FHAD1: variants seen among roughly 807,000 people sequenced by gnomAD.
FHAD1 encodes forkhead-associated domain-containing protein 1.
A neutral mutation model predicts 191.3 loss-of-function variants in FHAD1; 146 were observed. The ratio of observed to expected loss-of-function variants is 0.76; its 90% CI spans 0.67 to 0.88. The LOEUF is 0.88. Ranked by LOEUF, FHAD1 falls within the 40% of genes least tolerant of loss-of-function variation. The probability of loss-of-function intolerance (pLI) is 0.00; values close to 1 mark genes in which losing one functional copy is unlikely to be tolerated. For synonymous variants in FHAD1, 616 were observed against 672.3 expected (o/e 0.92, Z 1.29); for missense variants, 1,635 against 1,785.8 (o/e 0.92, Z 1.52).
chr1:15,357,625 CAAAAAAAAAAAAA>C (rs71000395), intron 20 of FHAD1, among the ~76,000 whole-genome samples: 2 of 76,114 alleles, frequency 2.6e-5, no homozygotes, highest in African/African-American at 9.1e-5. Context: ...TCCTCCGTCT[CAAAAAAAAAAAAA>C]AAAAAAAAAG....
chr1:15,321,336 A>G (rs993628669), intron 10 of FHAD1, among the ~76,000 whole-genome samples: 1 of 152,204 alleles, frequency 6.6e-6, no homozygotes, highest in Non-Finnish European at 1.5e-5. Flanking sequence ...CGCATTCGTG[A>G]CTTATCAAAA....
intron 1 of FHAD1, among the ~76,000 whole-genome samples, chr1:15,237,887 A>C (rs1157557009): frequency 6.6e-6 from 1 of 152,180 alleles, no homozygotes; most frequent in Non-Finnish European, 1.5e-5. Flanking sequence ...GAGGGGATTG[A>C]TCAGCTCAGA....
chr1:15,309,038 A>G (rs929122604), intron 7 of FHAD1, among the ~76,000 whole-genome samples: 4 of 152,230 alleles, frequency 2.6e-5, no homozygotes, highest in African/African-American at 9.6e-5. Flanking sequence ...GGGAACACAC[A>G]GGACAAGCTG....
intron 14 of FHAD1, among the ~76,000 whole-genome samples, chr1:15,330,388 G>A (rs1196548409): frequency 5.3e-5 from 8 of 152,134 alleles, no homozygotes; most frequent in Admixed American, 6.5e-5. Flanking sequence ...GAGACGTAAC[G>A]GGGTCAGGAA....
At chr1:15,341,009 C>G (rs1558162182) in intron 15 of FHAD1, among the ~76,000 whole-genome samples, 1 of 152,038 alleles carries the variant, frequency 6.6e-6, no homozygotes, top group Non-Finnish European at 1.5e-5. Flanking sequence ...TGGTAAAACC[C>G]CATCTCTACT....
At chr1:15,310,929 C>G (rs779907269) in intron 7 of FHAD1, among the ~76,000 whole-genome samples, 8 of 152,176 alleles carry the variant, frequency 5.3e-5, no homozygotes, top group Non-Finnish European at 1.2e-4. Flanking sequence ...GATGGAGGAA[C>G]AAGGTGCGGA....
At chr1:15,244,962 C>T (rs539880457), upstream of FHAD1, among the ~76,000 whole-genome samples, 59 of 152,312 alleles carry the variant, frequency 3.9e-4, no homozygotes, top group Non-Finnish European at 6.2e-4. The surrounding 1 kb of genome is among the most constrained non-coding windows in gnomAD (Gnocchi z 5.1). Context: ...GTGAGGGTCT[C>T]AGGCTGCTTC....
intron 33 of FHAD1, chr1:15,393,045 C>A (rs1704622872): frequency 6.6e-6 from 1 of 151,434 alleles, no homozygotes. Context: ...GGGGCAGCAT[C>A]ACCCCCGAGG....
intron 13 of FHAD1, 26 bp downstream of exon 13, chr1:15,328,455 A>G (rs1464305014): frequency 2.1e-6 from 3 of 1,395,984 alleles, no homozygotes; most frequent in Non-Finnish European, 2.8e-6. Flanking sequence ...GCTTTCCACA[A>G]ATGGTCTCTT....
intron 15 of FHAD1, among the ~76,000 whole-genome samples, chr1:15,340,165 A>G (rs1328667817): frequency 6.6e-6 from 1 of 152,242 alleles, no homozygotes; most frequent in Non-Finnish European, 1.5e-5. Flanking sequence ...TACTAAATCC[A>G]GTGGACAAAG....
At chr1:15,258,502 A>G (rs753195415) in intron 2 of FHAD1, among the ~76,000 whole-genome samples, 2 of 151,466 alleles carry the variant, frequency 1.3e-5, no homozygotes, top group African/African-American at 2.4e-5. Flanking sequence ...TCATCTGTCA[A>G]TGGACACTTG....
chr1:15,308,203 T>G (rs969612950), intron 6 of FHAD1, among the ~76,000 whole-genome samples: 1 of 152,194 alleles, frequency 6.6e-6, no homozygotes, highest in Non-Finnish European at 1.5e-5. Context: ...TATAACCTAT[T>G]GTTATCATTT....
chr1:15,242,188 G>T (rs1036696657), intron 1 of FHAD1, among the ~76,000 whole-genome samples: 1 of 143,554 alleles, frequency 7.0e-6, no homozygotes, highest in Non-Finnish European at 1.5e-5. Flanking sequence ...AGCCGAGATC[G>T]CACCACTGCA....
chr1:15,348,699 G>A (rs562955241), intron 18 of FHAD1, among the ~76,000 whole-genome samples: 4 of 152,222 alleles, frequency 2.6e-5, no homozygotes, highest in Non-Finnish European at 4.4e-5. Context: ...AGCTGCCCCC[G>A]CTGCTCCCGG....
chr1:15,320,057 A>T (rs1675772634), intron 10 of FHAD1, among the ~76,000 whole-genome samples: 1 of 152,164 alleles, frequency 6.6e-6, no homozygotes, highest in Admixed American at 6.5e-5. Flanking sequence ...TATTTTCGTT[A>T]TTATTCAGAT....
chr1:15,371,279 G>A (rs1032457988), intron 26 of FHAD1, among the ~76,000 whole-genome samples: 2 of 152,214 alleles, frequency 1.3e-5, no homozygotes, highest in African/African-American at 4.8e-5. Context: ...TGGACTCTGT[G>A]CACGTCTGTT....
At chr1:15,371,823 G>A (rs1046134373) in intron 26 of FHAD1, among the ~76,000 whole-genome samples, 1 of 152,244 alleles carries the variant, frequency 6.6e-6, no homozygotes, top group African/African-American at 2.4e-5. Context: ...GCCGTACTAA[G>A]CGCAGGCAGG....
At chr1:15,278,020 G>A (rs74053874) in intron 3 of FHAD1, among the ~76,000 whole-genome samples, 2 of 152,302 alleles carry the variant, frequency 1.3e-5, no homozygotes, top group African/African-American at 4.8e-5. Flanking sequence ...GATGGTAGGA[G>A]GCAGAGGAGG....
At chr1:15,236,766 C>A (rs889856003) in intron 1 of FHAD1, among the ~76,000 whole-genome samples, 1 of 152,184 alleles carries the variant, frequency 6.6e-6, no homozygotes, top group African/African-American at 2.4e-5. Flanking sequence ...TTTACGGTAA[C>A]CAGTTAATTT....
Sources: allele counts gnomAD v4.1 joint callset (sites outside exome capture counted in the v4.1 genomes callset), GRCh38; gene constraint gnomAD v4.1.1; non-coding constraint Gnocchi (gnomAD v3.1); transcripts MANE v1.5; gene names NCBI Gene and HGNC (gene_info 2026-07-23, HGNC 2026-07-21).